ALG12: variants seen among roughly 807,000 people sequenced by gnomAD.
ALG12 encodes the protein dol-P-Man:Man(7)GlcNAc(2)-PP-Dol alpha-1,6-mannosyltransferase.
ALG12 carries 36 observed loss-of-function variants against 46.0 expected under a neutral mutation model. That is an observed-to-expected ratio of 0.78 (90% CI 0.60 to 1.03). ALG12 has a LOEUF of 1.03. ALG12 is among the 50% of genes least tolerant of loss of function. The pLI is 0.00. For missense variants in ALG12, 599 were observed against 633.5 expected (o/e 0.95, Z 0.58); for synonymous variants, 326 against 291.6 (o/e 1.12, Z -1.20).
chr22:49,907,969 C>T (rs755367123), intron 6 of ALG12, 25 bp from the exon 7 acceptor site: 26 of 1,606,512 alleles, frequency 1.6e-5, no homozygotes, highest in South Asian at 8.8e-5. Context: ...AAGGAGGCCA[C>T]GCACCTGTCC....
intron 6 of ALG12, 58 bp downstream of exon 6, chr22:49,909,186 C>G (rs185259665): frequency 6.5e-7 from 1 of 1,549,558 alleles, no homozygotes; most frequent in Non-Finnish European, 8.9e-7. Context: ...CATGGAGGCC[C>G]AGGAGATGTG....
At chr22:49,881,303 C>T in the ALG12 span, among the ~76,000 whole-genome samples, 1 of 152,244 alleles carries the variant, frequency 6.6e-6, no homozygotes, top group Non-Finnish European at 1.5e-5. Flanking sequence ...GAACTGAGAT[C>T]GTGCCGCTGC....
the ALG12 span, among the ~76,000 whole-genome samples, chr22:49,865,863 CTT>C: frequency 2.9e-5 from 4 of 139,482 alleles, no homozygotes; most frequent in Non-Finnish European, 1.6e-5. Context: ...TTCACATTTT[CTT>C]TTTTTTTTTT....
chr22:49,886,424 T>C, the ALG12 span: 1 of 1,593,512 alleles, frequency 6.3e-7, no homozygotes, highest in Non-Finnish European at 8.6e-7. This position sits in a 1 kb window ranked among gnomAD's most constrained non-coding sequence, Gnocchi z 7.7. Context: ...TTCCGAGAGC[T>C]GATCAGCTGC....
At chr22:49,876,201 G>T in the ALG12 span, among the ~76,000 whole-genome samples, 1 of 152,200 alleles carries the variant, frequency 6.6e-6, no homozygotes, top group Admixed American at 6.5e-5. Context: ...GTCCAGAGAA[G>T]AGTCTGTCTT....
chr22:49,887,493 CAAAG>C, the ALG12 span: 75 of 248,972 alleles, frequency 3.0e-4, no homozygotes, highest in Middle Eastern at 4.7e-3. Context: ...ACTAGAATGA[CAAAG>C]AAGATGTAAA....
chr22:49,913,270 G>A, intron 3 of ALG12, 115 bp downstream of exon 3: 1 of 1,519,100 alleles, frequency 6.6e-7, no homozygotes, highest in Non-Finnish European at 9.0e-7. Flanking sequence ...GGTGATCGAG[G>A]GCAGGCAAGA....
the ALG12 span, chr22:49,883,479 G>T: frequency 1.3e-5 from 10 of 798,724 alleles, no homozygotes; most frequent in Non-Finnish European, 1.8e-5. Flanking sequence ...GATCTATGCT[G>T]TAAGACCATG....
rs2060591142 is a variant in ALG12 at position 49,913,419 on chromosome 22, C to T, written c.261G>A (p.Leu87=). 1.2e-6 allele frequency: 2 copies of T among 1,613,896 alleles called. No individual in the cohort carries two copies. Among genetic ancestry groups the T allele is most frequent in the Admixed American group, 1.7e-5 (1 of 60,012 alleles). Residue 87 remains leucine, a synonymous_variant, in exon 3 of 10, where the codon CTG becomes CTA. Coordinates refer to ENST00000330817, the MANE Select transcript of ALG12 (RefSeq NM_024105.4). ...FSSPAVYVLS[L]LEMSKFYSQL... The stretch of plus-strand genomic sequence containing the variant: ...GAGAGTAAAACTTGGACATTTCTAA[C>T]AGCGAAAGCACGTAAACCGCGGGGC...
At chr22:49,871,284 C>T in the ALG12 span, among the ~76,000 whole-genome samples, 12 of 151,108 alleles carry the variant, frequency 7.9e-5, no homozygotes, top group African/African-American at 2.7e-4. Flanking sequence ...GTCAGGAGTT[C>T]GAGACCAGCC....
chr22:49,909,141 C>T (rs2060560769), intron 6 of ALG12, 103 bp downstream of exon 6: 2 of 1,248,484 alleles, frequency 1.6e-6, no homozygotes, highest in South Asian at 1.2e-5. Context: ...TGCAGCCACG[C>T]TGCAGAGAAG....
the ALG12 span, chr22:49,884,377 A>C: frequency 6.2e-7 from 1 of 1,613,078 alleles, no homozygotes. Context: ...CTCCTCTGAC[A>C]TGTCCGTTTC....
intron 3 of ALG12, among the ~76,000 whole-genome samples, chr22:49,913,045 C>T (rs1237733831): frequency 6.6e-6 from 1 of 152,212 alleles, no homozygotes; most frequent in African/African-American, 2.4e-5. Context: ...AATGGTGCTG[C>T]TTCTGCAGGA....
chr22:49,883,331 T>C, the ALG12 span: 5 of 193,070 alleles, frequency 2.6e-5, no homozygotes, highest in Admixed American at 5.6e-5. Context: ...TCATCTCTTA[T>C]AGGTAATGCA....
intron 1 of ALG12, among the ~76,000 whole-genome samples, chr22:49,916,323 C>T (rs1369201399): frequency 6.6e-6 from 1 of 151,902 alleles, no homozygotes; most frequent in Non-Finnish European, 1.5e-5. Flanking sequence ...TGGCTCATGC[C>T]TGTAATCCCA....
chr22:49,915,981 C>G (rs927401671), intron 1 of ALG12, among the ~76,000 whole-genome samples: 1 of 152,190 alleles, frequency 6.6e-6, no homozygotes, highest in Non-Finnish European at 1.5e-5. Context: ...TTCCAGCAGC[C>G]GGGAGCGGTG....
chr22:49,872,508 G>A, the ALG12 span, among the ~76,000 whole-genome samples: 22,462 of 151,936 alleles, frequency 0.15, 4,511 homozygotes, highest in African/African-American at 0.46. Flanking sequence ...GTATTTTCCC[G>A]TCCCAGGAAT....
the ALG12 span, chr22:49,885,457 T>G: frequency 5.6e-6 from 9 of 1,611,982 alleles, no homozygotes; most frequent in Non-Finnish European, 7.6e-6. Context: ...GGGTACCAGC[T>G]GTCTTCTGAG....
the ALG12 span, chr22:49,884,762 G>A: frequency 1.3e-6 from 2 of 1,597,772 alleles, no homozygotes; most frequent in Non-Finnish European, 8.6e-7. Flanking sequence ...CCGCCGGAGG[G>A]GGAGCTCAGC....
Sources: gnomAD v4.1 joint callset for allele counts (sites outside exome capture counted in the v4.1 genomes callset) on GRCh38, gnomAD v4.1.1 for gene constraint, Gnocchi (gnomAD v3.1) non-coding constraint, MANE v1.5 for transcripts, NCBI Gene and HGNC (gene_info 2026-07-23, HGNC 2026-07-21) for gene names.